Variants in LRIG2 observed in about 807,000 individuals in gnomAD.
LRIG2 encodes leucine-rich repeats and immunoglobulin-like domains protein 2.
LRIG2 carries 93 observed loss-of-function variants against 107.8 expected under a neutral mutation model. That is an observed-to-expected ratio of 0.86 (90% CI 0.73 to 1.03). LRIG2 has a LOEUF of 1.03. Among genes scored for constraint, LRIG2 ranks in the 50% least tolerant of loss-of-function variants. LRIG2 has a pLI of 0.00. For missense variants in LRIG2, 1,226 were observed against 1,296.0 expected (o/e 0.95, Z 0.83); for synonymous variants, 471 against 470.6 (o/e 1.00, Z -0.01).
At chr1:113,118,125 G>T (rs965689571) in intron 16 of LRIG2, among the ~76,000 whole-genome samples, 1 of 151,682 alleles carries the variant, frequency 6.6e-6, no homozygotes, top group African/African-American at 2.4e-5. Context: ...CACCATATTG[G>T]CCAGGCTGGT....
At chr1:113,117,560 T>C (rs1341260686) in intron 16 of LRIG2, among the ~76,000 whole-genome samples, 2 of 152,164 alleles carry the variant, frequency 1.3e-5, no homozygotes, top group East Asian at 3.9e-4. Flanking sequence ...CTCAGCTCAC[T>C]GCAACCTCCA....
At chr1:113,093,152 A>C in intron 2 of LRIG2, 54 bp from the exon 3 acceptor site, 1 of 1,103,494 alleles carries the variant, frequency 9.1e-7, no homozygotes, top group Non-Finnish European at 1.4e-6. Context: ...GGTAGAATCC[A>C]AGAGGTAATA....
intron 11 of LRIG2, among the ~76,000 whole-genome samples, chr1:113,106,011 C>T (rs985023457): frequency 6.6e-6 from 1 of 152,084 alleles, no homozygotes; most frequent in Non-Finnish European, 1.5e-5. Flanking sequence ...AGGTGGATCA[C>T]GAGGTCAAGA....
intron 1 of LRIG2, among the ~76,000 whole-genome samples, chr1:113,084,056 A>G (rs1164544396): frequency 3.4e-5 from 5 of 148,038 alleles, no homozygotes; most frequent in African/African-American, 1.2e-4. Context: ...GCCTTATCCC[A>G]GTGATTCTCT....
At chr1:113,081,403 A>ATT (rs1180674336) in intron 1 of LRIG2, among the ~76,000 whole-genome samples, 6 of 141,562 alleles carry the variant, frequency 4.2e-5, no homozygotes, top group African/African-American at 1.5e-4. Flanking sequence ...ACCCATTTCT[A>ATT]TTTTTTTTTT....
rs931098134 is a variant in LRIG2 at position 113,073,247 on chromosome 1, G to T, written c.-160G>T. 2.7e-5 allele frequency: 18 copies of T among 660,664 alleles called. No homozygotes were observed. Among genetic ancestry groups the T allele is most frequent in the Non-Finnish European group, 4.0e-5 (15 of 375,752 alleles). 40.9% of individuals were successfully genotyped at this position (660,664 alleles called of 1,614,324 possible). On this transcript the variant is annotated 5_prime_UTR_variant, in exon 1 of 18. Transcript: ENST00000361127. Reference sequence around the variant, plus strand: ...TGTGTCCCAGGCCGTCGACCCCGCTGTCGCGCTGCGTCTGCTCCTTGCATG... The same window carrying T: ...TGTGTCCCAGGCCGTCGACCCCGCTTTCGCGCTGCGTCTGCTCCTTGCATG...
At position 113,132,124 on chromosome 1, in the gene LRIG2, G is replaced by A. The variant is rs1425352569; in HGVS notation, c.*8023G>A. On this transcript the variant is annotated 3_prime_UTR_variant, in exon 18 of 18. Transcript: ENST00000361127. Reference sequence around the variant, plus strand: ...GTACCTAAACAGAGATACAAGCCAAGTCATTGTTCAGTGTAGTCATTTCTT... The same window carrying A: ...GTACCTAAACAGAGATACAAGCCAAATCATTGTTCAGTGTAGTCATTTCTT... 4 of 151,686 alleles carry A rather than the reference G, an allele frequency of 2.6e-5. No individual in the cohort carries two copies. The highest frequency in any genetic ancestry group is 7.3e-5 in the African/African-American group (3 of 41,258). 9.4% of individuals were successfully genotyped at this position (151,686 alleles called of 1,614,324 possible).
Position 113,124,334 on chromosome 1 carries a change from A to G in LRIG2, c.*233A>G, listed in dbSNP as rs1570781883. ...AAAAATGTGCAGCACCGGCAGAGGG[A>G]AGATACGGGGCAAATGTGCTTCCTG... is the stretch of plus-strand genomic sequence containing the variant. On this transcript the variant is annotated 3_prime_UTR_variant, in exon 18 of 18. Coordinates refer to ENST00000361127, the MANE Select transcript of LRIG2 (RefSeq NM_014813.3). 7 of 558,810 alleles carry G rather than the reference A, an allele frequency of 1.3e-5. No individual in the cohort carries two copies. The East Asian group carries it at 2.2e-4, about 17-fold the overall frequency. The allele number at this position is 558,810 out of a possible 1,614,324, so 34.6% of individuals were successfully genotyped here.
intron 16 of LRIG2, 60 bp downstream of exon 16, chr1:113,116,496 G>T: frequency 1.4e-6 from 2 of 1,453,320 alleles, no homozygotes; most frequent in Non-Finnish European, 1.9e-6. Flanking sequence ...TTACTTTTCA[G>T]TGTGTAGTTT....
chr1:113,122,075 C>CTTTTTTTTT (rs758568453), intron 17 of LRIG2, among the ~76,000 whole-genome samples: 4 of 87,084 alleles, frequency 4.6e-5, no homozygotes, highest in African/African-American at 9.1e-5. Context: ...TTAGGCTCAC[C>CTTTTTTTTT]TTTTTTTTTT....
intron 14 of LRIG2, among the ~76,000 whole-genome samples, chr1:113,114,116 C>T (rs551045854): frequency 7.4e-4 from 113 of 151,914 alleles, no homozygotes; most frequent in African/African-American, 2.0e-3. Context: ...AACATCTTTG[C>T]GTATAAATCT....
chr1:113,112,080 A>G (rs1232433729), intron 13 of LRIG2, among the ~76,000 whole-genome samples: 1 of 125,666 alleles, frequency 8.0e-6, no homozygotes, highest in African/African-American at 2.7e-5. Context: ...AGACACAGTC[A>G]TCAGTGTGCT....
In LRIG2 at chr1:113,073,593, G is replaced by T. The variant is rs747207585; in HGVS notation, c.187G>T (p.Ala63Ser). Residue 63 changes from alanine to serine, a missense_variant, in exon 1 of 18, where the codon GCA becomes TCA. By Grantham distance (99) the Ala-to-Ser change is moderately conservative. Coordinates refer to ENST00000361127, the MANE Select transcript of LRIG2 (RefSeq NM_014813.3). Reference protein sequence around the residue: ...LLDCSRRKLPAPSWRALSGLL... With the variant: ...LLDCSRRKLPSPSWRALSGLL... ...GGACTGCAGTCGCAGGAAATTGCCC[G>T]CACCGAGCTGGAGGGCGCTGTCGGG... 6 of 1,613,704 alleles carry T rather than the reference G, an allele frequency of 3.7e-6. 1 individual carries two copies. The South Asian group carries it at 6.6e-5, about 18-fold the overall frequency.
At chr1:113,119,568 A>G (rs776193532) in intron 17 of LRIG2, 45 bp downstream of exon 17, 40 of 1,570,248 alleles carry the variant, frequency 2.5e-5, no homozygotes, top group African/African-American at 1.2e-4. Flanking sequence ...ACTTTCGTCT[A>G]ATTGACTCTT....
chr1:113,122,610 C>T (rs183894202), intron 17 of LRIG2, among the ~76,000 whole-genome samples: 24 of 152,328 alleles, frequency 1.6e-4, no homozygotes, highest in African/African-American at 5.3e-4. Flanking sequence ...GGGATGCCTT[C>T]ATTTTTAATC....
intron 6 of LRIG2, 88 bp from the exon 7 acceptor site, chr1:113,095,786 C>A: frequency 1.5e-6 from 2 of 1,361,350 alleles, no homozygotes; most frequent in Non-Finnish European, 2.1e-6. Context: ...AAGGTATATG[C>A]TTCTCTGGGA....
intron 17 of LRIG2, 127 bp downstream of exon 17, chr1:113,119,650 TTG>T: frequency 1.3e-6 from 1 of 774,152 alleles, no homozygotes; most frequent in Non-Finnish European, 2.1e-6. Context: ...TAACTGGCCA[TTG>T]TTAAATGGTA....
intron 1 of LRIG2, among the ~76,000 whole-genome samples, chr1:113,084,478 GTACTGGGAT>G (rs1653454520): frequency 6.6e-6 from 1 of 152,060 alleles, no homozygotes; most frequent in Non-Finnish European, 1.5e-5. Flanking sequence ...GCCTCCCAAA[GTACTGGGAT>G]TACAGGCATG....
intron 11 of LRIG2, among the ~76,000 whole-genome samples, chr1:113,101,491 T>C (rs1654308932): frequency 6.6e-6 from 1 of 152,260 alleles, no homozygotes; most frequent in Non-Finnish European, 1.5e-5. Flanking sequence ...CAGAACTGGT[T>C]GATGAGAAGA....
Sources: allele counts gnomAD v4.1 joint callset (sites outside exome capture counted in the v4.1 genomes callset), GRCh38; gene constraint gnomAD v4.1.1; transcripts MANE v1.5; gene names NCBI Gene and HGNC (gene_info 2026-07-23, HGNC 2026-07-21).